PYGO1: variants seen among roughly 807,000 people sequenced by gnomAD.
PYGO1 encodes pygopus family PHD finger 1.
Under a neutral mutation model 29.5 loss-of-function variants are expected in PYGO1, and 6 were observed. That is an observed-to-expected ratio of 0.20 (90% CI 0.11 to 0.40). The LOEUF is 0.40. Ranked by LOEUF, PYGO1 falls within the 10% of genes least tolerant of loss-of-function variation. The pLI is 1.00. For missense variants in PYGO1, 515 were observed against 514.9 expected (o/e 1.00, Z 0.00); for synonymous variants, 186 against 180.5 (o/e 1.03, Z -0.24).
At chr15:55,568,737 G>T (rs896074678) in intron 1 of PYGO1, among the ~76,000 whole-genome samples, 1 of 152,040 alleles carries the variant, frequency 6.6e-6, no homozygotes, top group Non-Finnish European at 1.5e-5. Context: ...TGTCATAGAG[G>T]GCTCTTATTA....
intron 1 of PYGO1, among the ~76,000 whole-genome samples, chr15:55,570,660 G>T (rs1211435187): frequency 1.3e-5 from 2 of 151,998 alleles, no homozygotes; most frequent in Non-Finnish European, 2.9e-5. Flanking sequence ...ATAGTAAAGA[G>T]AATTTGCACA....
intron 1 of PYGO1, among the ~76,000 whole-genome samples, chr15:55,585,719 A>G (rs2059043572): frequency 6.6e-6 from 1 of 152,202 alleles, no homozygotes; most frequent in Non-Finnish European, 1.5e-5. Context: ...CCACAATAAA[A>G]CACTCATCCA....
In PYGO1 at chr15:55,546,607, G is replaced by C; in HGVS notation, c.676C>G (p.Pro226Ala). The change falls in exon 3 of 3, where the codon CCA becomes GCA. Residue 226 changes from proline to alanine, a missense_variant. Coordinates refer to ENST00000563719, the MANE Select transcript of PYGO1 (RefSeq NM_001367806.1). ...GCTTTTGCTTGACCAAAAGTGTTTGGGGGAGGAATAAAAGAATGATTAGAT... is the reference window on the plus strand; with the variant it reads ...GCTTTTGCTTGACCAAAAGTGTTTGCGGGAGGAATAAAAGAATGATTAGAT... ...LESNHSFIPP[P>A]NTFGQAKAPP... is the part of the protein sequence containing the mutation. The C allele has an allele frequency of 6.2e-7, 1 of 1,613,772 alleles. No individual in the cohort carries two copies. Among genetic ancestry groups the C allele is most frequent in the South Asian group, 1.1e-5 (1 of 91,058 alleles).
rs2058873324 is a variant in PYGO1, at chr15:55,550,326, T to C, written c.50-1331A>G. The stretch of plus-strand genomic sequence containing the variant: ...TTTGCAAACTACATTTTTCTTTTGC[T>C]AGGGTCTTCCAACGGGAGCTCTAGA... On this transcript the variant is annotated intron_variant, in intron 1 of 2. Transcript: ENST00000563719. 2.0e-5 allele frequency among the ~76,000 whole-genome samples: 3 copies of C among 152,318 alleles called. No individual in the cohort carries two copies. The South Asian group carries it at 6.2e-4, about 32-fold the overall frequency.
At position 55,545,981 on chromosome 15, in the gene PYGO1, C is replaced by A; in HGVS notation, c.*42G>T. On this transcript the variant is annotated 3_prime_UTR_variant, in exon 3 of 3. Coordinates refer to ENST00000563719, the MANE Select transcript of PYGO1 (RefSeq NM_001367806.1). ...AAAATCCTGTGTCAATGAACTTCTG[C>A]AATGCACAGGAAAATAAACCCACTT... The A allele has an allele frequency of 6.6e-7, 1 of 1,508,192 alleles. No individual in the cohort carries two copies. Among genetic ancestry groups the A allele is most frequent in the Non-Finnish European group, 8.9e-7 (1 of 1,117,956 alleles). The allele number at this position is 1,508,192 out of a possible 1,614,324, so 93.4% of individuals were successfully genotyped here.
intron 1 of PYGO1, 58 bp downstream of exon 1, chr15:55,587,776 CG>C: frequency 3.4e-6 from 5 of 1,452,262 alleles, no homozygotes; most frequent in East Asian, 3.0e-5. Context: ...CGGCCGGGCA[CG>C]GGGCCCCGCG....
Position 55,539,890 on chromosome 15 carries a change from G to T in PYGO1, c.*6133C>A, listed in dbSNP as rs920277499. 3.3e-5 allele frequency: 5 copies of T among 151,860 alleles called. No individual in the cohort carries two copies. Among genetic ancestry groups the T allele is most frequent in the Admixed American group, 2.0e-4 (3 of 15,250 alleles). 9.4% of individuals were successfully genotyped at this position (151,860 alleles called of 1,614,324 possible). A position where few individuals can be genotyped will look rare whatever the true frequency, so the allele number is the denominator to read the frequency against. On this transcript the variant is annotated 3_prime_UTR_variant, in exon 3 of 3. Transcript: ENST00000563719. The stretch of plus-strand genomic sequence containing the variant: ...CACTGACATAGTAAAACCTTATTAA[G>T]GATAATTTAAACTGATATGTCTAAA...
chr15:55,585,385 A>G (rs889924193), intron 1 of PYGO1, among the ~76,000 whole-genome samples: 5 of 152,216 alleles, frequency 3.3e-5, no homozygotes, highest in Non-Finnish European at 1.5e-5. Flanking sequence ...CACATCCTGC[A>G]TGCAGTCTGA....
intron 1 of PYGO1, among the ~76,000 whole-genome samples, chr15:55,561,219 A>G (rs1438113035): frequency 1.3e-5 from 2 of 152,356 alleles, no homozygotes; most frequent in East Asian, 3.9e-4. Flanking sequence ...TAAATCTGAC[A>G]AAAATCTGCA....
rs747400270 is a variant in PYGO1, at chr15:55,546,814, C to T, written c.469G>A (p.Gly157Ser). The T allele has an allele frequency of 2.9e-5, 46 of 1,613,608 alleles. No individual in the cohort carries two copies. The highest frequency in any genetic ancestry group is 3.4e-5 in the Non-Finnish European group (40 of 1,179,912). Residue 157 changes from glycine (G) to serine (S), a missense_variant, in exon 3 of 3, where the codon GGT becomes AGT. Physicochemically the swap from Gly to Ser is moderately conservative, Grantham distance 56. Transcript: ENST00000563719. ...NFGPHDNSSFGNPSYNNALSQ... is the reference protein window; with the variant it reads ...NFGPHDNSSFSNPSYNNALSQ... ...AGTGCATTATTATAAGATGGATTAC[C>T]GAAACTTGAATTATCATGTGGCCCA...
intron 1 of PYGO1, among the ~76,000 whole-genome samples, chr15:55,583,386 A>T (rs2059033322): frequency 6.6e-6 from 1 of 152,136 alleles, no homozygotes; most frequent in African/African-American, 2.4e-5. Context: ...TGAAAAAAAA[A>T]AAAGACTCAT....
At chr15:55,557,964 T>C (rs2058914384) in intron 1 of PYGO1, among the ~76,000 whole-genome samples, 1 of 152,166 alleles carries the variant, frequency 6.6e-6, no homozygotes, top group South Asian at 2.1e-4. Flanking sequence ...ACCACTCCTA[T>C]TCAACACAGC....
At chr15:55,561,098 T>C (rs766924333) in intron 1 of PYGO1, among the ~76,000 whole-genome samples, 8 of 152,290 alleles carry the variant, frequency 5.3e-5, no homozygotes, top group Middle Eastern at 3.4e-3. Flanking sequence ...ACTACAAGGC[T>C]ACAGTAACCA....
At chr15:55,560,722 G>T (rs1365173970) in intron 1 of PYGO1, among the ~76,000 whole-genome samples, 1 of 152,126 alleles carries the variant, frequency 6.6e-6, no homozygotes, top group Non-Finnish European at 1.5e-5. Context: ...CAGCACTTTG[G>T]GAGGCTGAGG....
chr15:55,548,796 TA>T, intron 2 of PYGO1, 113 bp downstream of exon 2: 1 of 511,684 alleles, frequency 2.0e-6, no homozygotes, highest in Admixed American at 3.9e-5. Context: ...AATGAATGAT[TA>T]AAAGTACAAT....
upstream of PYGO1, among the ~76,000 whole-genome samples, chr15:55,588,401 G>T (rs2141684537): frequency 6.7e-6 from 1 of 149,016 alleles, no homozygotes; most frequent in South Asian, 2.1e-4. Flanking sequence ...GGCGAGGGAC[G>T]TGGCGCGGCC....
At chr15:55,548,186 A>AT (rs1406853302) in intron 2 of PYGO1, among the ~76,000 whole-genome samples, 1 of 151,890 alleles carries the variant, frequency 6.6e-6, no homozygotes, top group Non-Finnish European at 1.5e-5. Flanking sequence ...CACCCGGCTA[A>AT]TTTTTATATT....
chr15:55,566,105 T>C (rs1489471130), intron 1 of PYGO1, among the ~76,000 whole-genome samples: 2 of 152,114 alleles, frequency 1.3e-5, no homozygotes, highest in African/African-American at 4.8e-5. Context: ...TTATTTTAGA[T>C]TTGGGGAGTA....
At chr15:55,562,451 C>T (rs2058936920) in intron 1 of PYGO1, among the ~76,000 whole-genome samples, 1 of 152,170 alleles carries the variant, frequency 6.6e-6, no homozygotes, top group Non-Finnish European at 1.5e-5. Flanking sequence ...GTGGGCAGAT[C>T]ACCTGATGTC....
Sources: gnomAD v4.1 joint callset for allele counts (sites outside exome capture counted in the v4.1 genomes callset) on GRCh38, gnomAD v4.1.1 for gene constraint, MANE v1.5 for transcripts, NCBI Gene and HGNC (gene_info 2026-07-23, HGNC 2026-07-21) for gene names.